Variants in DENND4C observed in about 807,000 individuals in gnomAD.
The protein encoded by DENND4C is DENN domain-containing protein 4C.
DENND4C carries 108 observed loss-of-function variants against 203.0 expected under a neutral mutation model. The ratio of observed to expected loss-of-function variants is 0.53; its 90% CI spans 0.46 to 0.62. The LOEUF (loss-of-function observed/expected upper bound fraction) is 0.62. DENND4C is among the 20% of genes least tolerant of loss of function. DENND4C has a pLI of 0.00. For synonymous variants in DENND4C, 871 were observed against 792.4 expected, an observed-to-expected ratio of 1.10 and a Z score of -1.67; for missense variants, 2,481 against 2,301.2, an observed-to-expected ratio of 1.08 and a Z score of -1.60.
At chr9:19,305,247 A>G in intron 9 of DENND4C, 105 bp from the exon 10 acceptor site, 1 of 952,572 alleles carries the variant, frequency 1.0e-6, no homozygotes, top group Non-Finnish European at 1.5e-6. Context: ...TAAACAAAAC[A>G]GACTTAACTG....
intron 5 of DENND4C, among the ~76,000 whole-genome samples, chr9:19,293,772 A>T (rs572498883): frequency 1.3e-5 from 2 of 152,350 alleles, no homozygotes; most frequent in South Asian, 4.1e-4. Context: ...GCATCATGCC[A>T]CTTACACGGA....
chr9:19,248,558 T>C (rs1825808002), intron 1 of DENND4C, among the ~76,000 whole-genome samples: 1 of 151,704 alleles, frequency 6.6e-6, no homozygotes, highest in African/African-American at 2.4e-5. Context: ...CCTGGCTAAT[T>C]TTTGTATTTT....
At chr9:19,287,611 T>C (rs1351229700) in intron 3 of DENND4C, among the ~76,000 whole-genome samples, 1 of 152,088 alleles carries the variant, frequency 6.6e-6, no homozygotes, top group Non-Finnish European at 1.5e-5. Context: ...CCTCCCAAAG[T>C]GTTGGAATTA....
Position 19,372,447 on chromosome 9 carries a change from G to T in DENND4C, c.*274G>T. On this transcript the variant is annotated 3_prime_UTR_variant, in exon 33 of 33. Transcript: ENST00000434457. ...ACTACTTTGGGATTCTTCAGTATTT[G>T]TAGTAGTTTGATAGAAATAATGAGG... is the stretch of plus-strand genomic sequence containing the variant. 1 of 303,430 alleles carries T rather than the reference G, an allele frequency of 3.3e-6. No individual in the cohort carries two copies. The highest frequency in any genetic ancestry group is 6.0e-6 in the Non-Finnish European group (1 of 166,390). The allele number at this position is 303,430 out of a possible 1,614,324, so 18.8% of individuals were successfully genotyped here. A position where few individuals can be genotyped will look rare whatever the true frequency, so the allele number is the denominator to read the frequency against.
chr9:19,294,987 G>A (rs543917679), intron 5 of DENND4C, among the ~76,000 whole-genome samples: 1 of 152,308 alleles, frequency 6.6e-6, no homozygotes, highest in African/African-American at 2.4e-5. Flanking sequence ...TGGGTGCACT[G>A]CATTGTGAAG....
At chr9:19,342,879 C>A in intron 22 of DENND4C, 100 bp downstream of exon 22, 1 of 1,025,906 alleles carries the variant, frequency 9.7e-7, no homozygotes, top group Non-Finnish European at 1.3e-6. Flanking sequence ...TTGTAATGAA[C>A]ATGCTAAAGA....
At chr9:19,237,836 C>T (rs1445698794) in intron 1 of DENND4C, among the ~76,000 whole-genome samples, 4 of 151,986 alleles carry the variant, frequency 2.6e-5, no homozygotes, top group South Asian at 2.1e-4. Context: ...AAAAAAGTAG[C>T]GATAAGTGAA....
At chr9:19,357,265 G>C (rs1051027797) in intron 27 of DENND4C, 111 bp downstream of exon 27, 28 of 1,028,466 alleles carry the variant, frequency 2.7e-5, no homozygotes, top group Non-Finnish European at 3.8e-5. Context: ...TGGCATTTAA[G>C]AGTACATCTT....
intron 1 of DENND4C, among the ~76,000 whole-genome samples, chr9:19,242,786 G>A (rs945407588): frequency 1.3e-5 from 2 of 152,010 alleles, no homozygotes; most frequent in Non-Finnish European, 2.9e-5. Flanking sequence ...CTTCTGAGTA[G>A]CTGGGACTAT....
chr9:19,242,767 T>G (rs1588719411), intron 1 of DENND4C, among the ~76,000 whole-genome samples: 1 of 152,110 alleles, frequency 6.6e-6, no homozygotes, highest in Admixed American at 6.6e-5. Flanking sequence ...GTGATTGTCC[T>G]GCCTCAGCCT....
At chr9:19,353,984 A>G (rs1824777404) in intron 26 of DENND4C, among the ~76,000 whole-genome samples, 1 of 152,106 alleles carries the variant, frequency 6.6e-6, no homozygotes, top group African/African-American at 2.4e-5. Context: ...TTCCTGACAC[A>G]CTATCATCTT....
At chr9:19,334,124 A>C (rs1819888729) in intron 17 of DENND4C, among the ~76,000 whole-genome samples, 1 of 152,162 alleles carries the variant, frequency 6.6e-6, no homozygotes, top group Non-Finnish European at 1.5e-5. Context: ...GGCTCACTAC[A>C]ATCTCCGACT....
chr9:19,331,859 A>G, intron 16 of DENND4C, 119 bp from the exon 17 acceptor site: 1 of 882,278 alleles, frequency 1.1e-6, no homozygotes, highest in Non-Finnish European at 1.7e-6. Context: ...GTCAACTTTG[A>G]AGTGCTTGAT....
intron 10 of DENND4C, among the ~76,000 whole-genome samples, chr9:19,307,631 A>G (rs1191035668): frequency 6.6e-6 from 1 of 151,660 alleles, no homozygotes; most frequent in Non-Finnish European, 1.5e-5. Flanking sequence ...TTAGCCAGGC[A>G]TGGTGGTGGG....
chr9:19,238,948 T>G (rs1822992373), intron 1 of DENND4C, among the ~76,000 whole-genome samples: 1 of 151,768 alleles, frequency 6.6e-6, no homozygotes, highest in Non-Finnish European at 1.5e-5. Flanking sequence ...CCACCTTGCC[T>G]AGCCTATAAT....
rs1029111604 is a variant in DENND4C, at chr9:19,343,090, C to T, written c.3151+311C>T. Reference sequence around the variant, plus strand: ...GTGTACTTTTAGGGCTTCCTGTATGCATCATGAACAGGCAGTGATGTGATC... The same window carrying T: ...GTGTACTTTTAGGGCTTCCTGTATGTATCATGAACAGGCAGTGATGTGATC... On this transcript the variant is annotated intron_variant, in intron 22 of 32. Transcript: ENST00000434457. Among the ~76,000 whole-genome samples, 6 of 152,100 alleles carry T rather than the reference C, an allele frequency of 3.9e-5. No homozygotes were observed. The East Asian group carries it at 7.7e-4, about 20-fold the overall frequency.
At chr9:19,320,060 T>C (rs993523866) in intron 12 of DENND4C, among the ~76,000 whole-genome samples, 1 of 152,146 alleles carries the variant, frequency 6.6e-6, no homozygotes, top group Non-Finnish European at 1.5e-5. Flanking sequence ...GGTAGAAATA[T>C]AACGTAAGCC....
At chr9:19,368,361 A>G (rs1228872843) in intron 30 of DENND4C, among the ~76,000 whole-genome samples, 1 of 151,922 alleles carries the variant, frequency 6.6e-6, no homozygotes, top group African/African-American at 2.4e-5. Flanking sequence ...GTATAATGAA[A>G]AAGACAATCC....
intron 1 of DENND4C, among the ~76,000 whole-genome samples, chr9:19,237,603 C>T (rs1455387339): frequency 1.3e-5 from 2 of 152,042 alleles, no homozygotes; most frequent in Admixed American, 6.6e-5. Context: ...GTGATCCGCC[C>T]GCCTCGACCT....
Sources: gnomAD v4.1 joint callset for allele counts (sites outside exome capture counted in the v4.1 genomes callset) on GRCh38, gnomAD v4.1.1 for gene constraint, MANE v1.5 for transcripts, NCBI Gene and HGNC (gene_info 2026-07-23, HGNC 2026-07-21) for gene names.